Variants in AFF1 observed in about 807,000 individuals in gnomAD.
AFF1 encodes AF4/FMR2 family member 1.
Under a neutral mutation model 121.7 loss-of-function variants are expected in AFF1, and 48 were observed. That is an observed-to-expected ratio of 0.39 (90% CI 0.31 to 0.50). The LOEUF (loss-of-function observed/expected upper bound fraction) is 0.50. Ranked by LOEUF, AFF1 falls within the 20% of genes least tolerant of loss-of-function variation. AFF1 has a pLI of 0.76. For synonymous variants in AFF1, 613 were observed against 563.0 expected (o/e 1.09, Z -1.26); for missense variants, 1,523 against 1,511.7 (o/e 1.01, Z -0.12).
rs1176970503 is a variant in AFF1, at chr4:87,134,669, C to T, written c.3510C>T (p.Ala1170=). The change falls in exon 20 of 21, where the codon GCC becomes GCT. Residue 1170 remains alanine (A), a synonymous_variant. Transcript: ENST00000395146. ...CCGCCTTTGACCTTTGGGAACAGGC[C>T]GAGGCCCTCACGAGGAAGAATAAAG... The part of the protein sequence containing the change: ...VLTAFDLWEQ[A]EALTRKNKEF... The T allele has an allele frequency of 3.1e-6, 5 of 1,613,778 alleles. No individual in the cohort carries two copies. Among genetic ancestry groups the T allele is most frequent in the East Asian group, 2.2e-5 (1 of 44,878 alleles).
intron 8 of AFF1, among the ~76,000 whole-genome samples, chr4:87,102,555 T>C (rs1445135702): frequency 6.6e-6 from 1 of 152,186 alleles, no homozygotes; most frequent in Non-Finnish European, 1.5e-5. Flanking sequence ...CACAGGATTG[T>C]AATGATAAGC....
intron 8 of AFF1, among the ~76,000 whole-genome samples, chr4:87,096,108 T>G (rs775656939): frequency 1.3e-5 from 2 of 152,196 alleles, no homozygotes; most frequent in Non-Finnish European, 2.9e-5. Context: ...AATTCCTTAA[T>G]GTACTTTGTG....
intron 2 of AFF1, among the ~76,000 whole-genome samples, chr4:87,013,993 A>G (rs564886042): frequency 5.9e-5 from 9 of 152,286 alleles, no homozygotes; most frequent in African/African-American, 1.9e-4. Context: ...GATATCATAT[A>G]TGCTTATAAA....
Position 87,108,047 on chromosome 4 carries a change from T to C in AFF1, c.1377-112T>C, listed in dbSNP as rs796420134. ...GTTGGATGACATGATAGTTTAGCAG[T>C]GTATCTAATACCAAGGCCCGCCCTT... is the stretch of plus-strand genomic sequence containing the variant. On this transcript the variant is annotated intron_variant, in intron 10 of 20. Coordinates refer to ENST00000395146, the MANE Select transcript of AFF1 (RefSeq NM_001166693.3). 2.1e-4 allele frequency: 238 copies of C among 1,145,594 alleles called. 5 individuals carry two copies. The South Asian group carries it at 3.6e-3, about 17-fold the overall frequency. 71.0% of individuals were successfully genotyped at this position (1,145,594 alleles called of 1,614,324 possible). A position where few individuals can be genotyped will look rare whatever the true frequency, so the allele number is the denominator to read the frequency against.
Position 87,127,580 on chromosome 4 carries a change from T to C in AFF1, c.2904-63T>C, listed in dbSNP as rs917378983. On this transcript the variant is annotated intron_variant, in intron 15 of 20. Transcript: ENST00000395146. ...CCATCCTTTTTCACTCTTGGTCTTA[T>C]CTTGCCCTAGTCTAGTAATTTTTGG... 3.8e-5 allele frequency: 58 copies of C among 1,514,444 alleles called. 1 individual carries two copies. The Middle Eastern group carries it at 1.5e-3, about 40-fold the overall frequency. The allele number at this position is 1,514,444 out of a possible 1,614,324, so 93.8% of individuals were successfully genotyped here.
intron 2 of AFF1, among the ~76,000 whole-genome samples, chr4:87,027,939 C>A (rs1728694389): frequency 6.6e-6 from 1 of 151,624 alleles, no homozygotes. Flanking sequence ...GGATTACAGG[C>A]GTGCACCACC....
At chr4:87,069,150 T>C (rs753913947) in intron 4 of AFF1, among the ~76,000 whole-genome samples, 9 of 152,122 alleles carry the variant, frequency 5.9e-5, no homozygotes, top group Admixed American at 6.5e-5. Flanking sequence ...TGTGGTTTAG[T>C]GCATGACCTT....
intron 12 of AFF1, among the ~76,000 whole-genome samples, chr4:87,117,652 C>G (rs1448420007): frequency 6.6e-6 from 1 of 152,192 alleles, no homozygotes; most frequent in African/African-American, 2.4e-5. Flanking sequence ...TCTAGGCAAA[C>G]AGAATTCCTG....
chr4:87,062,632 T>C (rs1720899031), intron 4 of AFF1, among the ~76,000 whole-genome samples: 1 of 152,206 alleles, frequency 6.6e-6, no homozygotes, highest in African/African-American at 2.4e-5. Flanking sequence ...TTATTTTAAA[T>C]TACTTATTTT....
intron 1 of AFF1, among the ~76,000 whole-genome samples, chr4:86,944,080 G>T (rs994203288): frequency 2.0e-5 from 3 of 150,266 alleles, no homozygotes; most frequent in Non-Finnish European, 4.4e-5. Context: ...GAAGGTTGAG[G>T]TTGCAGTGAG....
rs984062174 is a variant in AFF1 at position 87,034,444 on chromosome 4, G to T, written c.39-11722G>T. The stretch of plus-strand genomic sequence containing the variant: ...CTCTCTCTGGATCCTGTATTTTCTT[G>T]TGTTGTTCCCCATGATGTATTTATA... On this transcript the variant is annotated intron_variant, in intron 2 of 20. Coordinates refer to ENST00000395146, the MANE Select transcript of AFF1 (RefSeq NM_001166693.3). Among the ~76,000 whole-genome samples the T allele has an allele frequency of 2.6e-5, 4 of 152,304 alleles. No individual in the cohort carries two copies. The East Asian group carries it at 7.7e-4, about 29-fold the overall frequency.
chr4:87,036,936 A>G (rs1271560897), intron 2 of AFF1: 1 of 361,622 alleles, frequency 2.8e-6, no homozygotes, highest in Admixed American at 3.8e-5. Flanking sequence ...GGCTCAAGTG[A>G]TCCTCCCATC....
chr4:87,069,555 T>C (rs953987823), intron 4 of AFF1, among the ~76,000 whole-genome samples: 10 of 117,872 alleles, frequency 8.5e-5, no homozygotes, highest in African/African-American at 4.6e-4. Flanking sequence ...TCTCTCCCCT[T>C]TCCCTCTCCT....
Position 87,139,445 on chromosome 4 carries a change from A to G in AFF1, c.*3744A>G. The stretch of plus-strand genomic sequence containing the variant: ...CCAAACACTACAAAAAAACTTTTAA[A>G]ACTTTGCCATTTCATCTGTTTACAC... On this transcript the variant is annotated 3_prime_UTR_variant, in exon 21 of 21. Transcript: ENST00000395146. 4.3e-6 allele frequency: 1 copy of G among 232,840 alleles called. No individual in the cohort carries two copies. The highest frequency in any genetic ancestry group is 8.5e-6 in the Non-Finnish European group (1 of 117,546). The allele number at this position is 232,840 out of a possible 1,614,324, so 14.4% of individuals were successfully genotyped here.
intron 2 of AFF1, among the ~76,000 whole-genome samples, chr4:87,028,283 A>G (rs1211176888): frequency 6.6e-6 from 1 of 152,064 alleles, no homozygotes; most frequent in Non-Finnish European, 1.5e-5. Context: ...GTATATCATT[A>G]AAGTTCAGTA....
intron 4 of AFF1, among the ~76,000 whole-genome samples, chr4:87,068,256 T>TTCCCC (rs1160547119): frequency 4.0e-5 from 2 of 50,614 alleles, no homozygotes; most frequent in Non-Finnish European, 8.4e-5. Flanking sequence ...GCATGAAAAT[T>TTCCCC]GCCCCCCCCC....
rs1378017202 is a variant in AFF1 at position 87,021,877 on chromosome 4, A to G, written c.39-24289A>G. Reference sequence around the variant, plus strand: ...TTTGAGATTGTCATTTTGAAGAGGAACAGATAAATCTTTCACATCTTTATG... The same window carrying G: ...TTTGAGATTGTCATTTTGAAGAGGAGCAGATAAATCTTTCACATCTTTATG... On this transcript the variant is annotated intron_variant, in intron 2 of 20. Coordinates refer to ENST00000395146, the MANE Select transcript of AFF1 (RefSeq NM_001166693.3). Among the ~76,000 whole-genome samples, 3 of 152,366 alleles carry G rather than the reference A, an allele frequency of 2.0e-5. No individual in the cohort carries two copies. The East Asian group carries it at 5.8e-4, about 29-fold the overall frequency.
rs57549933 is a variant in AFF1 at position 87,091,218 on chromosome 4, C to T, written c.1192-575C>T. ...AGGAGATCAAGACCATCCTGGCCAA[C>T]ATGGTGAAACACCGTCTCTACTAAA... On this transcript the variant is annotated intron_variant, in intron 6 of 20. Transcript: ENST00000395146. 2.9e-3 allele frequency among the ~76,000 whole-genome samples: 433 copies of T among 151,726 alleles called. 12 individuals carry two copies. The East Asian group carries it at 0.049, about 17-fold the overall frequency.
intron 4 of AFF1, among the ~76,000 whole-genome samples, chr4:87,049,212 T>G (rs1731032877): frequency 6.6e-6 from 1 of 151,910 alleles, no homozygotes; most frequent in Non-Finnish European, 1.5e-5. Context: ...TGCCCAACCA[T>G]ATGCTTAAGT....
Sources: gnomAD v4.1 joint callset for allele counts (sites outside exome capture counted in the v4.1 genomes callset) on GRCh38, gnomAD v4.1.1 for gene constraint, MANE v1.5 for transcripts, NCBI Gene and HGNC (gene_info 2026-07-23, HGNC 2026-07-21) for gene names.